Variants in SLAMF9 observed in about 807,000 individuals in gnomAD.
SLAMF9 encodes SLAM family member 9.
SLAMF9 carries 25 observed loss-of-function variants against 30.4 expected under a neutral mutation model. The ratio of observed to expected loss-of-function variants is 0.82; its 90% CI spans 0.60 to 1.15. SLAMF9 has a LOEUF of 1.15. SLAMF9 is among the 50% of genes most tolerant of loss of function. The pLI, the probability that SLAMF9 is intolerant of heterozygous loss-of-function variation, is 0.00. For missense variants in SLAMF9, 344 were observed against 346.1 expected (o/e 0.99, Z 0.05); for synonymous variants, 129 against 127.2 (o/e 1.01, Z -0.09).
the SLAMF9 span, chr1:159,976,937 A>AAAG: frequency 1.4e-3 from 7 of 5,050 alleles, no homozygotes; most frequent in East Asian, 0.38. Flanking sequence ...AGAAAGAAAG[A>AAAG]AAGAAAGAAA....
Position 159,951,568 on chromosome 1 carries a change from G to T in SLAMF9, c.*93C>A. ...TGGCTCTCTGGATACCCACCCCTGA[G>T]CACCTCCTTCCCCTGGAAAGAAGAG... On this transcript the variant is annotated 3_prime_UTR_variant, in exon 4 of 4. Transcript: ENST00000368093. 1 of 1,245,418 alleles carries T rather than the reference G, an allele frequency of 8.0e-7. No individual in the cohort carries two copies. Among genetic ancestry groups the T allele is most frequent in the Non-Finnish European group, 1.1e-6 (1 of 872,986 alleles). 77.1% of individuals were successfully genotyped at this position (1,245,418 alleles called of 1,614,324 possible).
chr1:159,976,754 G>A, the SLAMF9 span: 2 of 151,910 alleles, frequency 1.3e-5, no homozygotes, highest in African/African-American at 4.8e-5. Context: ...ATGGTTGGGA[G>A]GAGGTAAAGA....
rs768829492 is a variant in SLAMF9 at position 159,951,671 on chromosome 1, C to A, written c.860G>T (p.Ser287Ile). Residue 287 changes from serine (S) to isoleucine (I), a missense_variant, in exon 4 of 4, where the codon AGC (serine) becomes ATC (isoleucine). Ser to Ile is a moderately radical substitution (Grantham distance 142). Transcript: ENST00000368093. ...KLRKEAKPGS[S>I]PA is the part of the protein sequence containing the mutation. ...GTTCCCAAGGAGCAGTCAGGCAGGG[C>A]TGGAGCCAGGCTTTGCCTCCTTCCT... 5 of 1,614,026 alleles carry A rather than the reference C, an allele frequency of 3.1e-6. No homozygotes were observed. Among genetic ancestry groups the A allele is most frequent in the Non-Finnish European group, 4.2e-6 (5 of 1,180,004 alleles).
chr1:159,973,766 C>T, the SLAMF9 span: 5 of 1,608,700 alleles, frequency 3.1e-6, no homozygotes, highest in Admixed American at 6.7e-5. Context: ...GAGGCACCTC[C>T]TGCCCCACAA....
At chr1:159,966,620 AC>A in the SLAMF9 span, among the ~76,000 whole-genome samples, 1 of 152,170 alleles carries the variant, frequency 6.6e-6, no homozygotes, top group Non-Finnish European at 1.5e-5. Flanking sequence ...GTCTTCATCA[AC>A]ACATGTTATC....
At chr1:159,954,043 A>C (rs1287425059) in intron 1 of SLAMF9, 49 bp downstream of exon 1, 2 of 1,611,502 alleles carry the variant, frequency 1.2e-6, no homozygotes, top group Admixed American at 3.3e-5. Flanking sequence ...GGGCAGGGGA[A>C]CAGAGGTGTA....
At chr1:159,965,110 C>T in the SLAMF9 span, among the ~76,000 whole-genome samples, 13 of 152,216 alleles carry the variant, frequency 8.5e-5, no homozygotes, top group African/African-American at 2.9e-4. Context: ...ATTTATCAAG[C>T]TTCAATTAAA....
chr1:159,973,656 G>T, the SLAMF9 span: 1 of 709,272 alleles, frequency 1.4e-6, no homozygotes. Context: ...ACAACATCTT[G>T]GGAAACCTCG....
chr1:159,975,272 A>G, the SLAMF9 span, among the ~76,000 whole-genome samples: 1 of 152,194 alleles, frequency 6.6e-6, no homozygotes, highest in East Asian at 1.9e-4. Context: ...AAAGAGATAA[A>G]GTGTGACAGA....
chr1:159,951,546 C>A lies in SLAMF9; in HGVS notation c.*115G>T. 1.1e-6 allele frequency: 1 copy of A among 919,158 alleles called. No individual in the cohort carries two copies. 56.9% of individuals were successfully genotyped at this position (919,158 alleles called of 1,614,324 possible). ...AGCCAGTCTTCCCTCAGAAGTATGG[C>A]TCTCTGGATACCCACCCCTGAGCAC... On this transcript the variant is annotated 3_prime_UTR_variant, in exon 4 of 4. Coordinates refer to ENST00000368093, the MANE Select transcript of SLAMF9 (RefSeq NM_033438.4).
upstream of SLAMF9, among the ~76,000 whole-genome samples, chr1:159,956,454 G>T (rs1419819435): frequency 6.6e-6 from 1 of 152,046 alleles, no homozygotes; most frequent in African/African-American, 2.4e-5. Context: ...AGACCACCCA[G>T]AATAGAGATG....
the SLAMF9 span, among the ~76,000 whole-genome samples, chr1:159,977,347 T>C: frequency 6.6e-6 from 1 of 152,240 alleles, no homozygotes; most frequent in Admixed American, 6.5e-5. Context: ...TCCTTGTAGT[T>C]ACAGTCTGAG....
the SLAMF9 span, among the ~76,000 whole-genome samples, chr1:159,975,401 G>C: frequency 2.6e-5 from 4 of 152,154 alleles, no homozygotes; most frequent in African/African-American, 4.8e-5. Context: ...GGGAGAGGCT[G>C]TTTCAAGATG....
At chr1:159,954,827 C>CA (rs1386722874), upstream of SLAMF9, among the ~76,000 whole-genome samples, 2 of 152,212 alleles carry the variant, frequency 1.3e-5, no homozygotes, top group East Asian at 3.9e-4. Flanking sequence ...ATCTGGAATC[C>CA]CAGCACTTTG....
In SLAMF9 at chr1:159,953,559, A is replaced by C; in HGVS notation, c.141T>G (p.Asp47Glu). 1 of 1,614,206 alleles carries C rather than the reference A, an allele frequency of 6.2e-7. No homozygotes were observed. Among genetic ancestry groups the C allele is most frequent in the East Asian group, 2.2e-5 (1 of 44,874 alleles). The part of the protein sequence containing the change: ...SISLPLEIPP[D>E]EEVENIIWSS... Reference sequence around the variant, plus strand: ...ACCAGATGATGTTCTCAACCTCTTCATCTGGTGGTATTTCCAGGGGGAGGC... The same window carrying C: ...ACCAGATGATGTTCTCAACCTCTTCCTCTGGTGGTATTTCCAGGGGGAGGC... Residue 47 changes from aspartate to glutamate, a missense_variant, in exon 2 of 4, where the codon GAT (aspartate) becomes GAG (glutamate). By Grantham distance (45) the Asp-to-Glu change is conservative. Transcript: ENST00000368093.
chr1:159,953,259 G>T, intron 2 of SLAMF9, 50 bp downstream of exon 2: 1 of 1,487,152 alleles, frequency 6.7e-7, no homozygotes. Context: ...GGTGTGAGAA[G>T]CTCAGAAGAG....
At chr1:159,957,767 A>C (rs1367000375), upstream of SLAMF9, among the ~76,000 whole-genome samples, 3 of 152,382 alleles carry the variant, frequency 2.0e-5, no homozygotes, top group East Asian at 5.8e-4. Context: ...TACACCATAA[A>C]TAGGTATAAA....
In SLAMF9 at chr1:159,953,493, C is replaced by T. The variant is rs749404169; in HGVS notation, c.207G>A (p.Glu69=). The T allele has an allele frequency of 1.9e-6, 3 of 1,614,222 alleles. No homozygotes were observed. The highest frequency in any genetic ancestry group is 2.5e-6 in the Non-Finnish European group (3 of 1,180,034). ...KSLATVVPGK[E]GHPATIMVTN... ...TCACCATGATGGTAGCTGGATGTCCCTCTTTCCCTGGCACCACAGTGGCAA... is the reference window on the plus strand; with the variant it reads ...TCACCATGATGGTAGCTGGATGTCCTTCTTTCCCTGGCACCACAGTGGCAA... The change falls in exon 2 of 4, where the codon GAG becomes GAA. Residue 69 remains glutamate, a synonymous_variant. Transcript: ENST00000368093.
At chr1:159,951,912 G>A in intron 3 of SLAMF9, 46 bp from the exon 4 acceptor site, 1 of 1,581,874 alleles carries the variant, frequency 6.3e-7, no homozygotes, top group East Asian at 2.2e-5. Context: ...GGTAGGGTTG[G>A]GGTTAAGATT....
Sources: gnomAD v4.1 joint callset for allele counts (sites outside exome capture counted in the v4.1 genomes callset) on GRCh38, gnomAD v4.1.1 for gene constraint, MANE v1.5 for transcripts, NCBI Gene and HGNC (gene_info 2026-07-23, HGNC 2026-07-21) for gene names.